Variants in TMPRSS15 observed in about 807,000 individuals in gnomAD.
TMPRSS15 encodes transmembrane serine protease 15, also known as enteropeptidase.
In TMPRSS15, 128 loss-of-function variants were observed where a neutral mutation model predicts 125.3. That is an observed-to-expected ratio of 1.02 (90% CI 0.89 to 1.18). The LOEUF is 1.18. Among genes scored for constraint, TMPRSS15 ranks in the 50% most tolerant of loss-of-function variants. TMPRSS15 has a pLI of 0.00. For synonymous variants in TMPRSS15, 446 were observed against 423.2 expected (o/e 1.05, Z -0.66); for missense variants, 1,283 against 1,212.7 (o/e 1.06, Z -0.86).
intron 1 of TMPRSS15, among the ~76,000 whole-genome samples, chr21:18,439,443 A>T (rs2123229305): frequency 6.6e-6 from 1 of 152,320 alleles, no homozygotes; most frequent in South Asian, 2.1e-4. Flanking sequence ...CTAAGTATAT[A>T]AAGAAGTTTT....
At chr21:18,365,000 TACAG>T in intron 7 of TMPRSS15, 136 bp downstream of exon 7, 1 of 703,488 alleles carries the variant, frequency 1.4e-6, no homozygotes, top group Admixed American at 2.5e-5. Context: ...TAGTTTTTTG[TACAG>T]TTTTTCAGTT....
At chr21:18,276,850 C>T (rs1357575209) in intron 23 of TMPRSS15, among the ~76,000 whole-genome samples, 2 of 150,528 alleles carry the variant, frequency 1.3e-5, no homozygotes, top group Non-Finnish European at 2.9e-5. Context: ...ACCTCCGCCT[C>T]CTGGGTTCAA....
intron 18 of TMPRSS15, among the ~76,000 whole-genome samples, chr21:18,300,804 A>T (rs1411989816): frequency 4.7e-5 from 7 of 148,864 alleles, no homozygotes; most frequent in Non-Finnish European, 1.1e-4. Flanking sequence ...ATTTTTTTTT[A>T]AACATATGCC....
intron 21 of TMPRSS15, among the ~76,000 whole-genome samples, chr21:18,292,409 C>T (rs2074849208): frequency 6.6e-6 from 1 of 152,154 alleles, no homozygotes; most frequent in East Asian, 1.9e-4. Flanking sequence ...CTCTTGGCAC[C>T]TGGATCTGGA....
chr21:18,386,812 C>T (rs1041018364), intron 3 of TMPRSS15, among the ~76,000 whole-genome samples: 1 of 152,056 alleles, frequency 6.6e-6, no homozygotes, highest in African/African-American at 2.4e-5. Flanking sequence ...GTAATTTCAC[C>T]GGTTCAATTT....
At chr21:18,398,152 T>C in intron 2 of TMPRSS15, 47 bp downstream of exon 2, 1 of 1,606,698 alleles carries the variant, frequency 6.2e-7, no homozygotes, top group Non-Finnish European at 8.5e-7. Flanking sequence ...TTTCAGCAAG[T>C]AGTTAAACTG....
At chr21:18,451,893 A>G (rs747522688) in intron 1 of TMPRSS15, among the ~76,000 whole-genome samples, 29 of 124,090 alleles carry the variant, frequency 2.3e-4, no homozygotes, top group Admixed American at 5.7e-4. Context: ...GACATGCATG[A>G]CATGCATGCA....
At chr21:18,396,804 G>GTCTATCTA (rs67154609) in intron 3 of TMPRSS15, among the ~76,000 whole-genome samples, 12,500 of 95,956 alleles carry the variant, frequency 0.13, 898 homozygotes, top group African/African-American at 0.17. Flanking sequence ...CTGTCTGTCT[G>GTCTATCTA]TCTGTCTATC....
chr21:18,396,792 A>AAAACTG (rs1408156983), intron 3 of TMPRSS15, among the ~76,000 whole-genome samples: 1 of 112,792 alleles, frequency 8.9e-6, no homozygotes, highest in Non-Finnish European at 1.8e-5. Context: ...AAAAAAAAAA[A>AAAACTG]TCTGTCTGTC....
chr21:18,472,602 C>T (rs576197168), intron 1 of TMPRSS15, among the ~76,000 whole-genome samples: 17 of 151,732 alleles, frequency 1.1e-4, no homozygotes, highest in South Asian at 1.0e-3. Flanking sequence ...AAATAAACTG[C>T]TTGATGAGTC....
In TMPRSS15 at chr21:18,369,973, CGA is replaced by C. The variant is rs1569038431; in HGVS notation, c.664+2218_664+2219del. ...AAAATAGATATAATACTTACTTAAA[CGA>C]AAAAAAAAAAAAAGAAAATCAAGAA... On this transcript the variant is annotated intron_variant, in intron 6 of 24. Transcript: ENST00000284885. 4.4e-5 allele frequency among the ~76,000 whole-genome samples: 6 copies of C among 135,994 alleles called. 1 individual carries two copies. Among genetic ancestry groups the C allele is most frequent in the African/African-American group, 5.4e-5 (2 of 36,752 alleles). The allele number at this position is 135,994 out of a possible 152,430, so 89.2% of individuals were successfully genotyped here. A position where few individuals can be genotyped will look rare whatever the true frequency, so the allele number is the denominator to read the frequency against.
chr21:18,479,028 T>C (rs1307753141), intron 1 of TMPRSS15, among the ~76,000 whole-genome samples: 2 of 151,952 alleles, frequency 1.3e-5, no homozygotes, highest in South Asian at 4.1e-4. Flanking sequence ...TACTTACTGG[T>C]TGAGCATCCC....
chr21:18,338,070 G>A (rs1353869601), intron 13 of TMPRSS15, among the ~76,000 whole-genome samples: 1 of 152,026 alleles, frequency 6.6e-6, no homozygotes, highest in African/African-American at 2.4e-5. Context: ...TGACATAAAG[G>A]TGCTATCTTT....
intron 17 of TMPRSS15, among the ~76,000 whole-genome samples, chr21:18,314,077 A>G (rs1275504142): frequency 6.6e-6 from 1 of 152,040 alleles, no homozygotes; most frequent in African/African-American, 2.4e-5. Flanking sequence ...AGTCTTACCT[A>G]CAAACACTAT....
At chr21:18,432,335 T>C (rs1053306773) in intron 1 of TMPRSS15, among the ~76,000 whole-genome samples, 2 of 152,188 alleles carry the variant, frequency 1.3e-5, no homozygotes, top group Non-Finnish European at 2.9e-5. Context: ...TTAGTAACAT[T>C]ATGAAAATAA....
At chr21:18,359,681 G>C in intron 8 of TMPRSS15, 76 bp downstream of exon 8, 2 of 691,156 alleles carry the variant, frequency 2.9e-6, no homozygotes, top group South Asian at 1.6e-5. Flanking sequence ...CAAAATCAAA[G>C]GGAAAACATA....
intron 1 of TMPRSS15, among the ~76,000 whole-genome samples, chr21:18,424,016 G>C (rs1569065964): frequency 6.6e-6 from 1 of 152,090 alleles, no homozygotes; most frequent in Non-Finnish European, 1.5e-5. Flanking sequence ...TTTAAAGAAA[G>C]AGAAGTTTCA....
At chr21:18,465,439 G>C (rs2122955483) in intron 1 of TMPRSS15, among the ~76,000 whole-genome samples, 7,723 of 152,110 alleles carry the variant, frequency 0.051, 650 homozygotes, top group African/African-American at 0.17. Flanking sequence ...AGGAATAAAG[G>C]GTATTCAAAT....
Position 18,387,612 on chromosome 21 carries a change from T to TACAC in TMPRSS15, c.345-3838_345-3835dup, listed in dbSNP as rs57708622. Among the ~76,000 whole-genome samples the TACAC allele has an allele frequency of 5.5e-3, 806 of 145,232 alleles. 4 individuals carry two copies. The highest frequency in any genetic ancestry group is 9.4e-3 in the African/African-American group (373 of 39,686). Reference sequence around the variant, plus strand: ...AAGAGTAGCTACACACACACACACATACACACACACACACACACACACACA... The same window carrying TACAC: ...AAGAGTAGCTACACACACACACACATACACACACACACACACACACACACACACA... On this transcript the variant is annotated intron_variant, in intron 3 of 24. Coordinates refer to ENST00000284885, the MANE Select transcript of TMPRSS15 (RefSeq NM_002772.3).
Sources: allele counts gnomAD v4.1 joint callset (sites outside exome capture counted in the v4.1 genomes callset), GRCh38; gene constraint gnomAD v4.1.1; transcripts MANE v1.5; gene names NCBI Gene and HGNC (gene_info 2026-07-23, HGNC 2026-07-21).